Variants in RBPJ observed in about 807,000 individuals in gnomAD.
RBPJ encodes recombining binding protein suppressor of hairless.
In RBPJ, 9 loss-of-function variants were observed where a neutral mutation model predicts 67.8. The ratio of observed to expected loss-of-function variants is 0.13; its 90% CI spans 0.08 to 0.23. The LOEUF (loss-of-function observed/expected upper bound fraction) is 0.23. Among genes scored for constraint, RBPJ ranks in the 10% least tolerant of loss-of-function variants. The probability of loss-of-function intolerance (pLI) is 1.00; values close to 1 mark genes in which losing one functional copy is unlikely to be tolerated. For missense variants in RBPJ, 305 were observed against 595.6 expected (o/e 0.51, Z 5.08); for synonymous variants, 198 against 203.3 (o/e 0.97, Z 0.22).
At chr4:26,255,208 T>C (rs535359419) in intron 1 of RBPJ, among the ~76,000 whole-genome samples, 38 of 140,308 alleles carry the variant, frequency 2.7e-4, no homozygotes, top group African/African-American at 7.9e-4. Context: ...ATCGGGACCA[T>C]CCTGGCTAAC....
chr4:26,134,441 C>T, the RBPJ span, among the ~76,000 whole-genome samples: 1 of 152,224 alleles, frequency 6.6e-6, no homozygotes, highest in Non-Finnish European at 1.5e-5. Context: ...TGCAAGTGCT[C>T]CAGTCTCACA....
chr4:26,169,127 T>G (rs889639548), intron 1 of RBPJ, among the ~76,000 whole-genome samples: 13 of 152,202 alleles, frequency 8.5e-5, no homozygotes, highest in African/African-American at 3.1e-4. Flanking sequence ...ACTGCGTTCC[T>G]TTGGAGAAGG....
chr4:26,381,446 T>TA (rs141625968), intron 1 of RBPJ, among the ~76,000 whole-genome samples: 212 of 152,254 alleles, frequency 1.4e-3, no homozygotes, highest in African/African-American at 4.8e-3. Context: ...AAAAATCTCA[T>TA]ACTTCCAGGT....
At chr4:26,200,044 C>T (rs1717926891) in intron 1 of RBPJ, among the ~76,000 whole-genome samples, 1 of 152,168 alleles carries the variant, frequency 6.6e-6, no homozygotes, top group Admixed American at 6.6e-5. Flanking sequence ...TGAGTTCTGC[C>T]AGTTCTCATT....
intron 2 of RBPJ, 65 bp from the exon 3 acceptor site, chr4:26,406,110 G>A: frequency 9.6e-7 from 1 of 1,038,136 alleles, no homozygotes; most frequent in Non-Finnish European, 1.5e-6. Context: ...ACAGAGCGTA[G>A]TAATGATGAA....
At chr4:26,342,325 T>C (rs949676634) in intron 1 of RBPJ, among the ~76,000 whole-genome samples, 1 of 151,528 alleles carries the variant, frequency 6.6e-6, no homozygotes, top group Admixed American at 6.6e-5. Context: ...CTAGTTGCAT[T>C]AGACCTTGCC....
At chr4:26,201,169 T>A (rs1165009426) in intron 1 of RBPJ, among the ~76,000 whole-genome samples, 3 of 152,168 alleles carry the variant, frequency 2.0e-5, no homozygotes, top group Admixed American at 6.5e-5. Flanking sequence ...CACAAATGGG[T>A]TTCTTTCCAA....
Position 26,292,567 on chromosome 4 carries a change from C to T in RBPJ, c.-166-69879C>T, listed in dbSNP as rs868285605. Among the ~76,000 whole-genome samples, 5 of 150,282 alleles carry T rather than the reference C, an allele frequency of 3.3e-5. No individual in the cohort carries two copies. In the Middle Eastern group the frequency reaches 0.014, roughly 409 times the overall value. ...TCCCGAGTAGCTGGGATTACAGCCG[C>T]CCACCATCGGGCTCAGCTAACTTTT... On this transcript the variant is annotated intron_variant, in intron 1 of 4. Coordinates refer to the RBPJ transcript ENST00000512351.
intron 1 of RBPJ, among the ~76,000 whole-genome samples, chr4:26,175,611 C>T (rs1162988352): frequency 6.6e-5 from 10 of 152,178 alleles, no homozygotes; most frequent in Admixed American, 1.3e-4. Flanking sequence ...ATGGAATGAT[C>T]GTGCCTAGAT....
Position 26,244,533 on chromosome 4 carries a change from ACTG to A in RBPJ, c.-167+80922_-167+80924del, listed in dbSNP as rs1719860895. Among the ~76,000 whole-genome samples, 4 of 144,852 alleles carry A rather than the reference ACTG, an allele frequency of 2.8e-5. No individual in the cohort carries two copies. In the South Asian group the frequency reaches 8.8e-4, roughly 32 times the overall value. ...TATACATATATGTGTATGCATATATACTGCTAAATGTAAATGGTTTCTTATTGT... is the reference window on the plus strand; with the variant it reads ...TATACATATATGTGTATGCATATATACTAAATGTAAATGGTTTCTTATTGT... On this transcript the variant is annotated intron_variant, in intron 1 of 4. Transcript: ENST00000512351.
Position 26,424,113 on chromosome 4 carries a change from A to C in RBPJ, c.497-229A>C, listed in dbSNP as rs1249841728. Among the ~76,000 whole-genome samples, 1 of 152,220 alleles carries C rather than the reference A, an allele frequency of 6.6e-6. No homozygotes were observed. The highest frequency in any genetic ancestry group is 1.5e-5 in the Non-Finnish European group (1 of 68,046). On this transcript the variant is annotated intron_variant, in intron 5 of 10. Transcript: ENST00000355476. The surrounding 1 kb of genome is among the most constrained non-coding windows in gnomAD (Gnocchi z 5.3). ...ACATTAAACATACTGTGTAGCTTTC[A>C]CTTTAAAATTATTTTTATGGACATT... is the stretch of plus-strand genomic sequence containing the variant.
At chr4:26,253,987 T>G (rs1720208322) in intron 1 of RBPJ, among the ~76,000 whole-genome samples, 1 of 148,866 alleles carries the variant, frequency 6.7e-6, no homozygotes, top group Non-Finnish European at 1.5e-5. Flanking sequence ...GAGTTTTGTT[T>G]TACTCATACA....
chr4:26,113,539 T>C, the RBPJ span: 2 of 520,286 alleles, frequency 3.8e-6, no homozygotes, highest in East Asian at 4.5e-5. Flanking sequence ...CAAAGCTCAC[T>C]GAACATCAGA....
upstream of RBPJ, among the ~76,000 whole-genome samples, chr4:26,162,629 C>T (rs1190410150): frequency 1.3e-5 from 2 of 152,156 alleles, no homozygotes; most frequent in African/African-American, 4.8e-5. Context: ...TACAGATGAA[C>T]AAATTGAGAC....
intron 1 of RBPJ, among the ~76,000 whole-genome samples, chr4:26,171,297 A>ATGTCACTGTACAGTATACAAGG (rs1003330900): frequency 3.3e-5 from 5 of 152,214 alleles, no homozygotes; most frequent in African/African-American, 9.7e-5. Flanking sequence ...AAACATAGAC[A>ATGTCACTGTACAGTATACAAGG]TGTCACTGTA....
chr4:26,297,021 A>T (rs1721896571), intron 1 of RBPJ, among the ~76,000 whole-genome samples: 1 of 152,204 alleles, frequency 6.6e-6, no homozygotes, highest in South Asian at 2.1e-4. Context: ...TGGACTGGGC[A>T]CGGTAGTTCA....
At chr4:26,145,740 G>T in the RBPJ span, among the ~76,000 whole-genome samples, 1 of 152,204 alleles carries the variant, frequency 6.6e-6, no homozygotes, top group South Asian at 2.1e-4. Context: ...TTTAATAAAT[G>T]ATGCTGGGAT....
chr4:26,336,528 T>C (rs1366798533), intron 1 of RBPJ, among the ~76,000 whole-genome samples: 2 of 152,098 alleles, frequency 1.3e-5, no homozygotes, highest in African/African-American at 4.8e-5. Context: ...CGTGTGTCTG[T>C]AGTCCTACCT....
intron 1 of RBPJ, among the ~76,000 whole-genome samples, chr4:26,348,950 T>C (rs904386189): frequency 1.3e-5 from 2 of 152,118 alleles, no homozygotes; most frequent in Non-Finnish European, 2.9e-5. Flanking sequence ...CTAGTTATCC[T>C]CCTACCTAGG....
Sources: allele counts gnomAD v4.1 joint callset (sites outside exome capture counted in the v4.1 genomes callset), GRCh38; gene constraint gnomAD v4.1.1; non-coding constraint Gnocchi (gnomAD v3.1); transcripts MANE v1.5; gene names NCBI Gene and HGNC (gene_info 2026-07-23, HGNC 2026-07-21).